Variants in DNAI7 observed in about 807,000 individuals in gnomAD.
DNAI7 encodes cancer susceptibility 1.
DNAI7 carries 78 observed loss-of-function variants against 86.6 expected under a neutral mutation model. That is an observed-to-expected ratio of 0.90 (90% CI 0.75 to 1.09). The LOEUF (loss-of-function observed/expected upper bound fraction) is 1.09. Among genes scored for constraint, DNAI7 ranks in the 50% least tolerant of loss-of-function variants. DNAI7 has a pLI of 0.00. For missense variants in DNAI7, 753 were observed against 810.2 expected (o/e 0.93, Z 0.86); for synonymous variants, 274 against 273.0 (o/e 1.00, Z -0.04).
chr12:25,150,759 G>A (rs960085919), intron 6 of DNAI7, among the ~76,000 whole-genome samples: 11 of 152,218 alleles, frequency 7.2e-5, no homozygotes, highest in Admixed American at 4.6e-4. Flanking sequence ...AACTATGTGT[G>A]ACAGCTTTCA....
intron 2 of DNAI7, among the ~76,000 whole-genome samples, chr12:25,163,589 G>T (rs1218799008): frequency 6.6e-6 from 1 of 152,132 alleles, no homozygotes; most frequent in African/African-American, 2.4e-5. Context: ...CTCACACAAA[G>T]CCTGTTTGGT....
chr12:25,109,507 C>T (rs1173019017), intron 15 of DNAI7, among the ~76,000 whole-genome samples: 1 of 152,130 alleles, frequency 6.6e-6, no homozygotes, highest in Non-Finnish European at 1.5e-5. Flanking sequence ...CCACCTCAGC[C>T]TCCCAAGTGG....
intron 9 of DNAI7, among the ~76,000 whole-genome samples, chr12:25,140,986 T>C (rs986205895): frequency 6.6e-6 from 1 of 152,036 alleles, no homozygotes; most frequent in African/African-American, 2.4e-5. Context: ...CAACAAATGG[T>C]GCTGGAATAA....
In DNAI7 at chr12:25,108,494, T is replaced by TGTC. The variant is rs2140301386; in HGVS notation, c.*51_*53dup. 2 of 1,457,716 alleles carry TGTC rather than the reference T, an allele frequency of 1.4e-6. No individual in the cohort carries two copies. Among genetic ancestry groups the TGTC allele is most frequent in the East Asian group, 4.6e-5 (2 of 43,356 alleles). The allele number at this position is 1,457,716 out of a possible 1,614,324, so 90.3% of individuals were successfully genotyped here. On this transcript the variant is annotated 3_prime_UTR_variant, in exon 16 of 16. Coordinates refer to ENST00000395987, the MANE Select transcript of DNAI7 (RefSeq NM_018272.5). The stretch of plus-strand genomic sequence containing the variant: ...CATTACATTGTGTTGCAGAAATACC[T>TGTC]GTCTTTCACCATGCTTGGTTCTTCA...
intron 2 of DNAI7, among the ~76,000 whole-genome samples, chr12:25,165,102 C>T (rs1405523711): frequency 6.6e-6 from 1 of 152,182 alleles, no homozygotes; most frequent in Admixed American, 6.5e-5. Flanking sequence ...GGATGCTTTA[C>T]AGCCCTAGAC....
At position 25,161,128 on chromosome 12, in the gene DNAI7, G is replaced by A. The variant is rs572945558; in HGVS notation, c.91C>T (p.Arg31Ter). 1.7e-5 allele frequency: 28 copies of A among 1,613,058 alleles called. No individual in the cohort carries two copies. The highest frequency in any genetic ancestry group is 1.3e-4 in the South Asian group (12 of 91,042). The change falls in exon 3 of 16, where the codon CGA becomes TGA. Residue 31 changes from arginine (R) to a stop codon, truncating the protein, a stop_gained. Transcript: ENST00000395987. LOFTEE classifies it high-confidence loss of function. ...TATTTTGTACCTTCCTCTTTCAGTCGTCTCTCCTCCTCCTCTTGTAGCAGC... is the reference window on the plus strand; with the variant it reads ...TATTTTGTACCTTCCTCTTTCAGTCATCTCTCCTCCTCCTCTTGTAGCAGC... ...LKLLQEEEER[R>*]LKEEEEARLK...
At position 25,111,766 on chromosome 12, in the gene DNAI7, T is replaced by C; in HGVS notation, c.1779+6A>G. 1 of 1,550,074 alleles carries C rather than the reference T, an allele frequency of 6.5e-7. No homozygotes were observed. The highest frequency in any genetic ancestry group is 1.3e-5 in the South Asian group (1 of 79,154). On this transcript the variant is annotated splice_donor_region_variant and intron_variant, in intron 14 of 15. Coordinates refer to ENST00000395987, the MANE Select transcript of DNAI7 (RefSeq NM_018272.5). The stretch of plus-strand genomic sequence containing the variant: ...CCACATTAAATTTGGAAAGATTCAT[T>C]CTTGCCTTATTGTTTATAATAACAT...
At chr12:25,145,735 A>G (rs1171734329) in intron 8 of DNAI7, among the ~76,000 whole-genome samples, 3 of 152,122 alleles carry the variant, frequency 2.0e-5, no homozygotes, top group Non-Finnish European at 2.9e-5. Flanking sequence ...TAGGCCTCCT[A>G]ATTTTTATTC....
At chr12:25,112,647 CTG>C (rs1939168798) in intron 13 of DNAI7, among the ~76,000 whole-genome samples, 1 of 152,018 alleles carries the variant, frequency 6.6e-6, no homozygotes, top group African/African-American at 2.4e-5. Flanking sequence ...ACCTTGTGAT[CTG>C]CCCACCTCGG....
At position 25,157,837 on chromosome 12, in the gene DNAI7, ATT is replaced by A. The variant is rs66535304; in HGVS notation, c.198+633_198+634del. Among the ~76,000 whole-genome samples the A allele has an allele frequency of 1.3e-3, 188 of 143,234 alleles. 1 individual carries two copies. The highest frequency in any genetic ancestry group is 2.8e-3 in the East Asian group (14 of 5,006). 94.0% of individuals were successfully genotyped at this position (143,234 alleles called of 152,430 possible). A position where few individuals can be genotyped will look rare whatever the true frequency, so the allele number is the denominator to read the frequency against. Reference sequence around the variant, plus strand: ...GAGAGGTAGAATTTGAATATTTTGAATTTTTTTTTTTTTTTGTTCCTGTTATC... The same window carrying A: ...GAGAGGTAGAATTTGAATATTTTGAATTTTTTTTTTTTTGTTCCTGTTATC... On this transcript the variant is annotated intron_variant, in intron 4 of 15. Coordinates refer to ENST00000395987, the MANE Select transcript of DNAI7 (RefSeq NM_018272.5).
Position 25,112,607 on chromosome 12 carries a change from C to T in DNAI7, c.1612-668G>A, listed in dbSNP as rs557065267. Among the ~76,000 whole-genome samples, 41 of 151,922 alleles carry T rather than the reference C, an allele frequency of 2.7e-4. No individual in the cohort carries two copies. The South Asian group carries it at 7.9e-3, about 29-fold the overall frequency. On this transcript the variant is annotated intron_variant, in intron 13 of 15. Coordinates refer to ENST00000395987, the MANE Select transcript of DNAI7 (RefSeq NM_018272.5). ...ATTTTTAGTAGAGACAGGGTTTCAC[C>T]GTGTTAGCCAGGATGGTCTCGATCT...
intron 9 of DNAI7, among the ~76,000 whole-genome samples, chr12:25,130,416 A>T (rs1429849637): frequency 6.6e-6 from 1 of 152,086 alleles, no homozygotes; most frequent in East Asian, 1.9e-4. Context: ...GGGTGCCTGT[A>T]GTCCCAGCTA....
chr12:25,149,730 AC>A lies in DNAI7; in HGVS notation c.482del (p.Cys161LeufsTer8). The stretch of plus-strand genomic sequence containing the variant: ...GTATTATATTTTTATCTTGCAAATC[AC>A]ATGGTGGAGTTTCCAGTAAAATAAA... ...LKFILLETPPCDLQDKNIIQY... is the reference protein window; with the variant it reads ...LKFILLETPPXDLQDKNIIQY... On this transcript the variant is annotated frameshift_variant, in exon 7 of 16. Coordinates refer to ENST00000395987, the MANE Select transcript of DNAI7 (RefSeq NM_018272.5). LOFTEE classifies it high-confidence loss of function. 6.4e-7 allele frequency: 1 copy of A among 1,556,112 alleles called. No homozygotes were observed. Among genetic ancestry groups the A allele is most frequent in the Non-Finnish European group, 8.9e-7 (1 of 1,129,500 alleles).
downstream of DNAI7, chr12:25,107,066 G>T: frequency 1.4e-6 from 2 of 1,409,116 alleles, no homozygotes; most frequent in South Asian, 2.4e-5. Flanking sequence ...TTATCTACTT[G>T]ATAAATTCTA....
chr12:25,108,826 A>C lies in DNAI7; in HGVS notation c.1894-3T>G. 1 of 941,356 alleles carries C rather than the reference A, an allele frequency of 1.1e-6. No individual in the cohort carries two copies. 58.3% of individuals were successfully genotyped at this position (941,356 alleles called of 1,614,324 possible). ...GCTTCAGTAAGGTGTTCCCTCACCT[A>C]AAAAAAAAAAAAATTCAAGCAAGTT... On this transcript the variant is annotated splice_polypyrimidine_tract_variant and splice_region_variant and intron_variant, in intron 15 of 15. Transcript: ENST00000395987.
intron 9 of DNAI7, among the ~76,000 whole-genome samples, chr12:25,128,953 C>T (rs532561907): frequency 1.3e-5 from 2 of 152,314 alleles, no homozygotes; most frequent in African/African-American, 4.8e-5. Flanking sequence ...CAATAAAAGC[C>T]TAAATTCTCA....
chr12:25,149,043 T>C (rs755807351), intron 7 of DNAI7, among the ~76,000 whole-genome samples: 3 of 152,040 alleles, frequency 2.0e-5, no homozygotes, highest in South Asian at 2.1e-4. Context: ...GTTGCCCAGG[T>C]TGAAGTGCAG....
intron 6 of DNAI7, among the ~76,000 whole-genome samples, chr12:25,151,117 C>T (rs960426484): frequency 6.6e-6 from 1 of 152,318 alleles, no homozygotes; most frequent in South Asian, 2.1e-4. Flanking sequence ...CAGGCAGCAT[C>T]GTAGCGTAGG....
intron 2 of DNAI7, among the ~76,000 whole-genome samples, chr12:25,168,043 A>T (rs1008218508): frequency 2.0e-5 from 3 of 152,014 alleles, no homozygotes; most frequent in Non-Finnish European, 4.4e-5. Flanking sequence ...GTTTTCTCAC[A>T]CACCATGAAA....
Sources: allele counts gnomAD v4.1 joint callset (sites outside exome capture counted in the v4.1 genomes callset), GRCh38; gene constraint gnomAD v4.1.1; transcripts MANE v1.5; gene names NCBI Gene and HGNC (gene_info 2026-07-23, HGNC 2026-07-21).